TCF7L2: variants seen among roughly 807,000 people sequenced by gnomAD.
TCF7L2 encodes the protein transcription factor 7 like 2, also known as transcription factor 7-like 2.
A neutral mutation model predicts 77.9 loss-of-function variants in TCF7L2; 23 were observed. The observed-to-expected ratio is 0.30, with a 90% CI of 0.21 to 0.42. The LOEUF is 0.42. Ranked by LOEUF, TCF7L2 falls within the 10% of genes least tolerant of loss-of-function variation. The pLI, the probability that TCF7L2 is intolerant of heterozygous loss-of-function variation, is 1.00. For synonymous variants in TCF7L2, 413 were observed against 340.2 expected (o/e 1.21, Z -2.36); for missense variants, 654 against 793.1 (o/e 0.82, Z 2.11).
chr10:113,051,583 C>G (rs1293686864), intron 5 of TCF7L2, among the ~76,000 whole-genome samples: 1 of 152,202 alleles, frequency 6.6e-6, no homozygotes, highest in African/African-American at 2.4e-5. Flanking sequence ...CGCATGCTTT[C>G]TTTAAGAACA....
At position 113,091,514 on chromosome 10, in the gene TCF7L2, C is replaced by T. The variant is rs144793632; in HGVS notation, c.553-49670C>T. On this transcript the variant is annotated intron_variant, in intron 5 of 13. Transcript: ENST00000627217. ...TTGGAAGGCTGAGGCGGGCAGATCA[C>T]GATATCAGGAGTTCAAGACCAGTGA... is the stretch of plus-strand genomic sequence containing the variant. Among the ~76,000 whole-genome samples the T allele has an allele frequency of 4.9e-3, 753 of 152,186 alleles. 3 individuals are homozygous for T. The highest frequency in any genetic ancestry group is 0.048 in the Middle Eastern group (14 of 292).
Position 113,148,563 on chromosome 10 carries a change from AGAGT to A in TCF7L2, c.876-2430_876-2427del, listed in dbSNP as rs144077460. 1.1e-3 allele frequency among the ~76,000 whole-genome samples: 172 copies of A among 152,336 alleles called. 1 individual carries two copies. The highest frequency in any genetic ancestry group is 4.1e-3 in the African/African-American group (170 of 41,568). ...AACGTGTCAACAGTGAAGTAAAGTG[AGAGT>A]GAGTAAGAGAGAAGCCCCTGAGACA... On this transcript the variant is annotated intron_variant, in intron 8 of 13. Transcript: ENST00000627217.
At chr10:112,987,738 A>G (rs548223428) in intron 4 of TCF7L2, 2 of 153,244 alleles carry the variant, frequency 1.3e-5, no homozygotes, top group East Asian at 1.9e-4. Context: ...ATCTAAAAAG[A>G]TGGCAGAATC....
At chr10:113,054,067 G>A (rs1160197130) in intron 5 of TCF7L2, among the ~76,000 whole-genome samples, 1 of 152,232 alleles carries the variant, frequency 6.6e-6, no homozygotes, top group African/African-American at 2.4e-5. Context: ...GGAACCTGGA[G>A]GCCTGTCATT....
At chr10:113,058,303 C>G (rs1307003816) in intron 5 of TCF7L2, among the ~76,000 whole-genome samples, 1 of 152,030 alleles carries the variant, frequency 6.6e-6, no homozygotes, top group African/African-American at 2.4e-5. Flanking sequence ...GCAGCCTGAG[C>G]AGGCTCTGAA....
chr10:112,973,521 G>A (rs1251403462), intron 4 of TCF7L2, among the ~76,000 whole-genome samples: 1 of 152,090 alleles, frequency 6.6e-6, no homozygotes, highest in East Asian at 1.9e-4. Context: ...CCCCACACTG[G>A]ATGATTCTAA....
intron 5 of TCF7L2, among the ~76,000 whole-genome samples, chr10:113,079,963 C>A (rs1359443772): frequency 1.3e-5 from 2 of 151,938 alleles, no homozygotes; most frequent in Non-Finnish European, 2.9e-5. Flanking sequence ...GATCGCCATC[C>A]TTTTATTGGT....
chr10:113,112,530 C>T (rs750631992), intron 5 of TCF7L2, among the ~76,000 whole-genome samples: 19 of 152,192 alleles, frequency 1.2e-4, no homozygotes, highest in Non-Finnish European at 2.1e-4. Flanking sequence ...TGTGTGCACA[C>T]CTAATTTCTC....
intron 4 of TCF7L2, among the ~76,000 whole-genome samples, chr10:112,973,792 T>C (rs1042011511): frequency 6.6e-6 from 1 of 152,182 alleles, no homozygotes; most frequent in African/African-American, 2.4e-5. Context: ...CGTTTCACCA[T>C]GTTGGCCAGG....
chr10:112,961,259 C>CG (rs1432152831), intron 3 of TCF7L2, among the ~76,000 whole-genome samples: 2 of 127,854 alleles, frequency 1.6e-5, no homozygotes, highest in Admixed American at 7.5e-5. Context: ...AGGTGACCCC[C>CG]CCCCCCCCAA....
intron 4 of TCF7L2, among the ~76,000 whole-genome samples, chr10:113,032,358 T>G (rs963334573): frequency 3.9e-5 from 6 of 152,218 alleles, no homozygotes; most frequent in Admixed American, 3.9e-4. Flanking sequence ...ATCCCAAGTT[T>G]TGTTAATTGG....
At chr10:113,082,289 C>G (rs1025638612) in intron 5 of TCF7L2, among the ~76,000 whole-genome samples, 1 of 152,028 alleles carries the variant, frequency 6.6e-6, no homozygotes, top group African/African-American at 2.4e-5. Flanking sequence ...CTCCTTTATT[C>G]AGAATTACCC....
At chr10:113,153,553 A>G (rs2071211241) in intron 11 of TCF7L2, among the ~76,000 whole-genome samples, 2 of 152,170 alleles carry the variant, frequency 1.3e-5, no homozygotes, top group South Asian at 4.1e-4. Context: ...TACTGAATTG[A>G]GTGAAACATA....
At chr10:113,099,385 G>A (rs144978092) in intron 5 of TCF7L2, among the ~76,000 whole-genome samples, 1 of 152,260 alleles carries the variant, frequency 6.6e-6, no homozygotes, top group African/African-American at 2.4e-5. Context: ...GTCCCCCCAG[G>A]CTGTCCTCAC....
chr10:112,993,373 G>A (rs1185209726), intron 4 of TCF7L2, among the ~76,000 whole-genome samples: 1 of 151,946 alleles, frequency 6.6e-6, no homozygotes, highest in African/African-American at 2.4e-5. Context: ...GGGTGTGGTC[G>A]TGGGCACCTG....
intron 3 of TCF7L2, among the ~76,000 whole-genome samples, chr10:112,953,205 C>T (rs1043218707): frequency 1.3e-5 from 2 of 152,018 alleles, no homozygotes. Context: ...CAAGGGCATG[C>T]TAGACCGGTC....
chr10:113,129,737 G>A, intron 5 of TCF7L2: 1 of 1,240,702 alleles, frequency 8.1e-7, no homozygotes, highest in Non-Finnish European at 1.0e-6. Flanking sequence ...TAAAGGGAGG[G>A]GAAGCTGGGA....
rs532123233 is a variant in TCF7L2 at position 112,979,779 on chromosome 10, AAAAT to A, written c.450+15159_450+15162del. 6.6e-4 allele frequency among the ~76,000 whole-genome samples: 99 copies of A among 149,320 alleles called. 1 individual carries two copies. Among genetic ancestry groups the A allele is most frequent in the Non-Finnish European group, 1.1e-3 (76 of 66,736 alleles). ...TCAAAAAAAAATAAAAAAAATAAAA[AAAAT>A]AAACGAAGACCTCACAGTTATGTTT... On this transcript the variant is annotated intron_variant, in intron 4 of 13. Transcript: ENST00000627217.
chr10:113,086,916 AATTAAGAAC>A (rs1254628369), intron 5 of TCF7L2, among the ~76,000 whole-genome samples: 1 of 152,178 alleles, frequency 6.6e-6, no homozygotes, highest in Non-Finnish European at 1.5e-5. Flanking sequence ...GGAAATGAAT[AATTAAGAAC>A]ATTAAAGAGG....
Sources: gnomAD v4.1 joint callset for allele counts (sites outside exome capture counted in the v4.1 genomes callset) on GRCh38, gnomAD v4.1.1 for gene constraint, MANE v1.5 for transcripts, NCBI Gene and HGNC (gene_info 2026-07-23, HGNC 2026-07-21) for gene names.